Variants in SPAG16 observed in about 807,000 individuals in gnomAD.
SPAG16 encodes sperm associated antigen 16, also known as sperm-associated antigen 16 protein.
Under a neutral mutation model 80.4 loss-of-function variants are expected in SPAG16, and 86 were observed. That is an observed-to-expected ratio of 1.07 (90% CI 0.90 to 1.28). The LOEUF (loss-of-function observed/expected upper bound fraction) is 1.28, where lower values mean the gene tolerates loss of function less well. SPAG16 is among the 50% of genes most tolerant of loss of function. The pLI, the probability that SPAG16 is intolerant of heterozygous loss-of-function variation, is 0.00. For synonymous variants in SPAG16, 294 were observed against 265.9 expected (o/e 1.11, Z -1.03); for missense variants, 870 against 765.3 (o/e 1.14, Z -1.61).
chr2:213,383,538 T>C (rs1354757242), intron 9 of SPAG16, among the ~76,000 whole-genome samples: 1 of 152,102 alleles, frequency 6.6e-6, no homozygotes, highest in Non-Finnish European at 1.5e-5. Context: ...TCCAATAGAG[T>C]GTGTGCCACT....
intron 10 of SPAG16, among the ~76,000 whole-genome samples, chr2:213,519,465 AAGG>A (rs1468370289): frequency 1.3e-5 from 2 of 152,168 alleles, no homozygotes; most frequent in African/African-American, 4.8e-5. Context: ...ATGGTTTTAT[AAGG>A]AGGAGTTTTC....
At chr2:213,722,750 TTG>T (rs1365776577) in intron 10 of SPAG16, among the ~76,000 whole-genome samples, 3 of 152,112 alleles carry the variant, frequency 2.0e-5, no homozygotes, top group Non-Finnish European at 4.4e-5. Flanking sequence ...TGACTCTGAA[TTG>T]TCAGTGAAAG....
rs558125313 is a variant in SPAG16, at chr2:213,596,283, A to T, written c.1070+106193A>T. ...GATTTGAACTTTGAAAAAATATGTAATATCCTTGTCTTTCTCATGAAATAT... is the reference window on the plus strand; with the variant it reads ...GATTTGAACTTTGAAAAAATATGTATTATCCTTGTCTTTCTCATGAAATAT... On this transcript the variant is annotated intron_variant, in intron 10 of 15. Transcript: ENST00000331683. 3.3e-5 allele frequency among the ~76,000 whole-genome samples: 5 copies of T among 152,258 alleles called. No homozygotes were observed. The South Asian group carries it at 1.0e-3, about 32-fold the overall frequency.
At chr2:213,976,289 CACATATGCAT>C (rs2106398082) in intron 12 of SPAG16, among the ~76,000 whole-genome samples, 1 of 150,822 alleles carries the variant, frequency 6.6e-6, no homozygotes, top group South Asian at 2.1e-4. Flanking sequence ...CACATGTGTG[CACATATGCAT>C]ACACATGTGT....
At chr2:213,358,180 G>A (rs933151129) in intron 7 of SPAG16, among the ~76,000 whole-genome samples, 1 of 152,122 alleles carries the variant, frequency 6.6e-6, no homozygotes, top group Non-Finnish European at 1.5e-5. Flanking sequence ...CTCTCTGGCG[G>A]CCCTTAACAT....
chr2:213,487,430 A>T (rs767354139), intron 9 of SPAG16, among the ~76,000 whole-genome samples: 1 of 151,936 alleles, frequency 6.6e-6, no homozygotes, highest in Non-Finnish European at 1.5e-5. Flanking sequence ...GTCCTTATTT[A>T]TGTATCTCAC....
chr2:214,049,377 T>A (rs983919571), intron 13 of SPAG16, among the ~76,000 whole-genome samples: 2 of 152,108 alleles, frequency 1.3e-5, no homozygotes, highest in Non-Finnish European at 2.9e-5. Flanking sequence ...GTTGCTTTTT[T>A]AAAACTCCTG....
At chr2:214,396,048 TA>T (rs972288999) in intron 15 of SPAG16, among the ~76,000 whole-genome samples, 6 of 152,176 alleles carry the variant, frequency 3.9e-5, no homozygotes, top group Non-Finnish European at 8.8e-5. Flanking sequence ...ATATACCCAA[TA>T]ATGGGATTGC....
Position 214,109,394 on chromosome 2 carries a change from A to G in SPAG16, c.1593+1133A>G, listed in dbSNP as rs777079316. ...CATTTAAACTCTATGATTTAATTAT[A>G]TCTAACATTTTGGTTGTCTCAAAGT... is the stretch of plus-strand genomic sequence containing the variant. On this transcript the variant is annotated intron_variant, in intron 14 of 15. Transcript: ENST00000331683. Among the ~76,000 whole-genome samples, 3 of 152,320 alleles carry G rather than the reference A, an allele frequency of 2.0e-5. No individual in the cohort carries two copies. In the East Asian group the frequency reaches 5.8e-4, roughly 29 times the overall value.
chr2:213,911,438 C>T (rs2077660455), intron 11 of SPAG16, among the ~76,000 whole-genome samples: 1 of 152,130 alleles, frequency 6.6e-6, no homozygotes, highest in Non-Finnish European at 1.5e-5. Flanking sequence ...TGCCACGGTG[C>T]CCTGCCAATA....
chr2:214,176,605 C>T (rs2057089748), intron 15 of SPAG16, among the ~76,000 whole-genome samples: 1 of 151,262 alleles, frequency 6.6e-6, no homozygotes, highest in Non-Finnish European at 1.5e-5. Context: ...CTTTCCTGTT[C>T]CTTTGATTCC....
At chr2:213,373,702 CCT>C (rs1209325461) in intron 8 of SPAG16, among the ~76,000 whole-genome samples, 2 of 152,114 alleles carry the variant, frequency 1.3e-5, no homozygotes, top group Non-Finnish European at 2.9e-5. Flanking sequence ...TCTTTTCTTT[CCT>C]CTGATATTAC....
intron 13 of SPAG16, among the ~76,000 whole-genome samples, chr2:214,071,438 G>A (rs889115418): frequency 1.3e-5 from 2 of 152,076 alleles, no homozygotes; most frequent in African/African-American, 4.8e-5. Flanking sequence ...AACAGTATAA[G>A]GCATGTAGAG....
intron 10 of SPAG16, among the ~76,000 whole-genome samples, chr2:213,600,990 C>A (rs892186219): frequency 6.6e-6 from 1 of 152,068 alleles, no homozygotes; most frequent in Non-Finnish European, 1.5e-5. Context: ...TTTTATATAT[C>A]CTTTGTCTTA....
At chr2:213,345,526 A>G (rs1326216928) in intron 6 of SPAG16, among the ~76,000 whole-genome samples, 58 of 116,406 alleles carry the variant, frequency 5.0e-4, no homozygotes, top group African/African-American at 1.9e-3. Context: ...CTAACATTTA[A>G]GTCTTTAATC....
intron 9 of SPAG16, among the ~76,000 whole-genome samples, chr2:213,465,482 A>G (rs1012055635): frequency 2.0e-5 from 3 of 152,154 alleles, no homozygotes; most frequent in African/African-American, 7.2e-5. Flanking sequence ...TTGCACTACT[A>G]TCTGTTCACA....
intron 11 of SPAG16, among the ~76,000 whole-genome samples, chr2:213,888,898 C>A (rs981389345): frequency 2.6e-5 from 4 of 151,904 alleles, no homozygotes; most frequent in African/African-American, 9.7e-5. Context: ...ATGCACAGAA[C>A]GTAATCAAAT....
At chr2:213,782,318 A>T (rs1279659427) in intron 10 of SPAG16, among the ~76,000 whole-genome samples, 1 of 152,148 alleles carries the variant, frequency 6.6e-6, no homozygotes, top group South Asian at 2.1e-4. Flanking sequence ...ACAATGATGT[A>T]AAAGATTATA....
At chr2:214,269,779 G>T (rs1691859685) in intron 15 of SPAG16, among the ~76,000 whole-genome samples, 1 of 152,102 alleles carries the variant, frequency 6.6e-6, no homozygotes, top group Non-Finnish European at 1.5e-5. Flanking sequence ...GCAAAGCAGA[G>T]AAGGTCTGTG....
Sources: gnomAD v4.1 joint callset for allele counts (sites outside exome capture counted in the v4.1 genomes callset) on GRCh38, gnomAD v4.1.1 for gene constraint, MANE v1.5 for transcripts, NCBI Gene and HGNC (gene_info 2026-07-23, HGNC 2026-07-21) for gene names.